The following RBFOX1 variants were observed in gnomAD, a reference collection of about 807,000 sequenced individuals.
RBFOX1 encodes the protein RNA binding protein fox-1 homolog 1.
A neutral mutation model predicts 57.7 loss-of-function variants in RBFOX1; 8 were observed. That is an observed-to-expected ratio of 0.14 (90% CI 0.08 to 0.25). The LOEUF (loss-of-function observed/expected upper bound fraction) is 0.25. Ranked by LOEUF, RBFOX1 falls within the 10% of genes least tolerant of loss-of-function variation. RBFOX1 has a pLI of 1.00. For synonymous variants in RBFOX1, 326 were observed against 222.4 expected, an observed-to-expected ratio of 1.47 and a Z score of -4.15; for missense variants, 611 against 548.5, an observed-to-expected ratio of 1.11 and a Z score of -1.14.
intron 2 of RBFOX1, among the ~76,000 whole-genome samples, chr16:6,471,877 C>T (rs117015620): frequency 0.019 from 2,856 of 152,188 alleles, 42 homozygotes; most frequent in Middle Eastern, 0.034. Context: ...GCATCAGAAG[C>T]ACATAGGGAA....
intron 3 of RBFOX1, among the ~76,000 whole-genome samples, chr16:5,856,184 T>TCC (rs2057030286): frequency 1.7e-5 from 1 of 57,236 alleles, no homozygotes; most frequent in Non-Finnish European, 3.5e-5. Context: ...TCTCTCTCTC[T>TCC]CTCTATATAT....
intron 12 of RBFOX1, among the ~76,000 whole-genome samples, chr16:7,663,547 C>T (rs568341341): frequency 1.3e-5 from 2 of 150,998 alleles, no homozygotes; most frequent in East Asian, 3.9e-4. Flanking sequence ...AAATGCCTTC[C>T]CTTGGCTCAA....
chr16:6,963,437 G>C (rs2083433446), intron 3 of RBFOX1, among the ~76,000 whole-genome samples: 2 of 152,144 alleles, frequency 1.3e-5, no homozygotes, highest in Admixed American at 1.3e-4. Flanking sequence ...CAAATGGTTG[G>C]TGACAACATA....
chr16:6,999,829 T>A (rs2092628038), intron 3 of RBFOX1, among the ~76,000 whole-genome samples: 1 of 152,276 alleles, frequency 6.6e-6, no homozygotes, highest in South Asian at 2.1e-4. Context: ...CCCAGTATTT[T>A]GGGAGGCTGA....
At chr16:6,312,666 TTCCTTCCTTCC>T (rs2080492595) in intron 1 of RBFOX1, among the ~76,000 whole-genome samples, 1 of 62,928 alleles carries the variant, frequency 1.6e-5, no homozygotes, top group Non-Finnish European at 3.8e-5. Flanking sequence ...CCTTCCTTCC[TTCCTTCCTTCC>T]TTCCTTCCTT....
intron 4 of RBFOX1, among the ~76,000 whole-genome samples, chr16:5,902,579 C>G (rs1398200528): frequency 6.6e-6 from 1 of 151,954 alleles, no homozygotes; most frequent in African/African-American, 2.4e-5. Flanking sequence ...CCATGGCCAG[C>G]TGATGTTTTT....
chr16:5,864,148 T>A (rs926946079), intron 3 of RBFOX1, among the ~76,000 whole-genome samples: 1 of 152,224 alleles, frequency 6.6e-6, no homozygotes, highest in African/African-American at 2.4e-5. Flanking sequence ...GGTGAGGATA[T>A]GCAGTATTTG....
At chr16:5,844,237 C>T (rs1244445056) in intron 3 of RBFOX1, among the ~76,000 whole-genome samples, 2 of 152,124 alleles carry the variant, frequency 1.3e-5, no homozygotes, top group Non-Finnish European at 2.9e-5. Context: ...TTCCACCAAC[C>T]TGACTTAGAA....
intron 4 of RBFOX1, among the ~76,000 whole-genome samples, chr16:5,910,977 T>A (rs1360873877): frequency 6.6e-6 from 1 of 152,202 alleles, no homozygotes; most frequent in Non-Finnish European, 1.5e-5. Flanking sequence ...CCCAGAGTGG[T>A]AATTTGCCTA....
At chr16:5,612,145 A>C (rs1046245741) in intron 3 of RBFOX1, among the ~76,000 whole-genome samples, 1 of 150,976 alleles carries the variant, frequency 6.6e-6, no homozygotes, top group Non-Finnish European at 1.5e-5. Context: ...CCTCCCATCC[A>C]TACGTCTACT....
intron 3 of RBFOX1, among the ~76,000 whole-genome samples, chr16:5,664,769 T>C (rs2049776284): frequency 6.6e-6 from 1 of 152,160 alleles, no homozygotes; most frequent in Non-Finnish European, 1.5e-5. Context: ...TTTTTCCAAA[T>C]TCCTGGGATC....
intron 4 of RBFOX1, among the ~76,000 whole-genome samples, chr16:7,307,376 A>G (rs1446343330): frequency 2.0e-5 from 3 of 152,218 alleles, no homozygotes; most frequent in Non-Finnish European, 4.4e-5. Flanking sequence ...CATAAAAACA[A>G]AAATCAATTG....
At chr16:5,639,150 G>A (rs1029244429) in intron 3 of RBFOX1, among the ~76,000 whole-genome samples, 19 of 152,136 alleles carry the variant, frequency 1.2e-4, no homozygotes, top group African/African-American at 4.6e-4. Flanking sequence ...GTACAATACA[G>A]TTTTATTAGT....
chr16:7,006,605 A>G (rs1217547716), intron 3 of RBFOX1, among the ~76,000 whole-genome samples: 1 of 151,998 alleles, frequency 6.6e-6, no homozygotes, highest in Non-Finnish European at 1.5e-5. Context: ...GGGAACCACC[A>G]CACCTGGCTT....
chr16:7,405,304 C>G (rs963697742), intron 4 of RBFOX1, among the ~76,000 whole-genome samples: 2 of 152,212 alleles, frequency 1.3e-5, no homozygotes, highest in South Asian at 2.1e-4. Context: ...GTAGCCCCCC[C>G]GCTGCAAACC....
At chr16:6,915,434 T>G (rs1415371247) in intron 3 of RBFOX1, among the ~76,000 whole-genome samples, 1 of 152,232 alleles carries the variant, frequency 6.6e-6, no homozygotes, top group Non-Finnish European at 1.5e-5. Context: ...GCCCGTTTTC[T>G]TATTTCCTTG....
At chr16:7,228,390 A>T (rs548779001) in intron 4 of RBFOX1, among the ~76,000 whole-genome samples, 1 of 152,180 alleles carries the variant, frequency 6.6e-6, no homozygotes, top group African/African-American at 2.4e-5. Flanking sequence ...AGTGAGTTCA[A>T]CTAAGATTTG....
intron 3 of RBFOX1, among the ~76,000 whole-genome samples, chr16:5,833,393 G>C (rs1050102647): frequency 1.3e-5 from 2 of 151,670 alleles, no homozygotes; most frequent in African/African-American, 4.8e-5. Flanking sequence ...TACTCAGGAG[G>C]CTGAGGCAGG....
chr16:6,259,726 G>A lies in RBFOX1; in HGVS notation c.-126-57269G>A, dbSNP rs557326163. Among the ~76,000 whole-genome samples, 8 of 152,242 alleles carry A rather than the reference G, an allele frequency of 5.3e-5. No individual in the cohort carries two copies. In the South Asian group the frequency reaches 1.5e-3, roughly 28 times the overall value. On this transcript the variant is annotated intron_variant, in intron 1 of 15. Coordinates refer to ENST00000550418, the MANE Select transcript of RBFOX1 (RefSeq NM_018723.4). ...TAATAGCAGCACTTTGGGAAGCCAAGGCGGATGGATCACCTGAGGTCAGGA... is the reference window on the plus strand; with the variant it reads ...TAATAGCAGCACTTTGGGAAGCCAAAGCGGATGGATCACCTGAGGTCAGGA...
Sources: gnomAD v4.1 joint callset for allele counts (sites outside exome capture counted in the v4.1 genomes callset) on GRCh38, gnomAD v4.1.1 for gene constraint, MANE v1.5 for transcripts, NCBI Gene and HGNC (gene_info 2026-07-23, HGNC 2026-07-21) for gene names.